Variants in HSBP1L1 observed in about 807,000 individuals in gnomAD.
HSBP1L1 encodes the protein heat shock factor binding protein 1 like 1.
Under a neutral mutation model 9.7 loss-of-function variants are expected in HSBP1L1, and 8 were observed. The ratio of observed to expected loss-of-function variants is 0.82; its 90% CI spans 0.48 to 1.48. The LOEUF (loss-of-function observed/expected upper bound fraction) is 1.48. HSBP1L1 is among the 40% of genes most tolerant of loss of function. The probability of loss-of-function intolerance (pLI) is 0.00; values close to 1 mark genes in which losing one functional copy is unlikely to be tolerated. For synonymous variants in HSBP1L1, 39 were observed against 34.4 expected (o/e 1.13, Z -0.46); for missense variants, 106 against 95.8 (o/e 1.11, Z -0.44).
At position 79,970,807 on chromosome 18, in the gene HSBP1L1, C is replaced by A. The variant is rs1134231; in HGVS notation, c.*356C>A. On this transcript the variant is annotated 3_prime_UTR_variant, in exon 4 of 4. Transcript: ENST00000451882. ...TTACAATAAATATACAATAAACTTA[C>A]AAATGTGGAATGTAATTATTTTATC... The A allele has an allele frequency of 0.35, 76,668 of 217,034 alleles. 14,394 individuals carry two copies. Among genetic ancestry groups the A allele is most frequent in the South Asian group, 0.5 (3,837 of 7,636 alleles). The allele number at this position is 217,034 out of a possible 1,614,324, so 13.4% of individuals were successfully genotyped here.
At chr18:79,967,838 C>G (rs550716510) in intron 2 of HSBP1L1, 5 of 399,718 alleles carry the variant, frequency 1.3e-5, no homozygotes, top group Non-Finnish European at 2.2e-5. Flanking sequence ...ATATACCAGA[C>G]AATCTCCTGT....
rs575228929 is a variant in HSBP1L1 at position 79,966,547 on chromosome 18, A to G, written c.52-65A>G. The G allele has an allele frequency of 2.0e-4, 260 of 1,285,282 alleles. 2 individuals are homozygous for G. In the East Asian group the frequency reaches 5.8e-3, roughly 29 times the overall value. 79.6% of individuals were successfully genotyped at this position (1,285,282 alleles called of 1,614,324 possible). A position where few individuals can be genotyped will look rare whatever the true frequency, so the allele number is the denominator to read the frequency against. ...AACAAAACAAGACTTCATCTCAGAA[A>G]AAAAAAAAAACTCATATGCCAACAG... On this transcript the variant is annotated intron_variant, in intron 1 of 3. Coordinates refer to ENST00000451882, the MANE Select transcript of HSBP1L1 (RefSeq NM_001136180.2).
chr18:79,966,559 T>C, intron 1 of HSBP1L1, 53 bp from the exon 2 acceptor site: 1 of 1,271,938 alleles, frequency 7.9e-7, no homozygotes, highest in East Asian at 2.6e-5. Context: ...AAAAAAAAAC[T>C]CATATGCCAA....
chr18:79,969,325 GAAAGAA>G lies in HSBP1L1; in HGVS notation c.214-1107_214-1102del, dbSNP rs1254642043. ...GAGAGAGAGAAAGGAAAGAAAGAAA[GAAAGAA>G]AAAGAAAGAAAGAAAGAAAGAAAGA... On this transcript the variant is annotated intron_variant, in intron 3 of 3. Transcript: ENST00000451882. Among the ~76,000 whole-genome samples the G allele has an allele frequency of 8.4e-4, 85 of 101,722 alleles. 4 individuals carry two copies. Among genetic ancestry groups the G allele is most frequent in the Middle Eastern group, 5.0e-3 (1 of 200 alleles). The allele number at this position is 101,722 out of a possible 152,430, so 66.7% of individuals were successfully genotyped here. A position where few individuals can be genotyped will look rare whatever the true frequency, so the allele number is the denominator to read the frequency against.
intron 1 of HSBP1L1, 96 bp from the exon 2 acceptor site, chr18:79,966,516 C>T: frequency 1.2e-6 from 1 of 860,966 alleles, no homozygotes; most frequent in Non-Finnish European, 1.8e-6. Flanking sequence ...GCACTCCAGC[C>T]TGGGCAACAA....
chr18:79,970,581 TC>T lies in HSBP1L1; in HGVS notation c.*134del, dbSNP rs200985292. ...AGAGACGCAAGGGGCTCGCCTGCTC[TC>T]CCCTCCGTGCCTGCACCAGAGAAGG... On this transcript the variant is annotated 3_prime_UTR_variant, in exon 4 of 4. Transcript: ENST00000451882. 0.014 allele frequency: 8,088 copies of T among 578,060 alleles called. 83 individuals are homozygous for T. The highest frequency in any genetic ancestry group is 0.021 in the Non-Finnish European group (6,673 of 311,528). 35.8% of individuals were successfully genotyped at this position (578,060 alleles called of 1,614,324 possible). A position where few individuals can be genotyped will look rare whatever the true frequency, so the allele number is the denominator to read the frequency against.
intron 3 of HSBP1L1, among the ~76,000 whole-genome samples, chr18:79,969,450 G>A (rs1302097055): frequency 2.0e-5 from 3 of 152,126 alleles, no homozygotes; most frequent in African/African-American, 2.4e-5. Context: ...CTGTGCCCAC[G>A]CGGATGCTTC....
chr18:79,969,368 AAAG>A (rs2051280944), intron 3 of HSBP1L1, among the ~76,000 whole-genome samples: 6 of 50,048 alleles, frequency 1.2e-4, no homozygotes, highest in Non-Finnish European at 3.0e-4. Context: ...AGAAAGAAAG[AAAG>A]AAAGAAAGAA....
chr18:79,964,712 T>C lies in HSBP1L1; in HGVS notation c.-24T>C. ...CCGCGCGGCCCACGGGACCCCCCAC[T>C]GACGCCCCCGGCCAGCGGTCCACAT... On this transcript the variant is annotated 5_prime_UTR_variant, in exon 1 of 4. Transcript: ENST00000451882. 3 of 1,384,870 alleles carry C rather than the reference T, an allele frequency of 2.2e-6. No homozygotes were observed. Among genetic ancestry groups the C allele is most frequent in the Non-Finnish European group, 2.8e-6 (3 of 1,060,974 alleles). The allele number at this position is 1,384,870 out of a possible 1,614,324, so 85.8% of individuals were successfully genotyped here.
At chr18:79,965,209 T>C (rs1032862416) in intron 1 of HSBP1L1, among the ~76,000 whole-genome samples, 23 of 152,144 alleles carry the variant, frequency 1.5e-4, no homozygotes, top group African/African-American at 5.3e-4. Flanking sequence ...CGCCCAGGGC[T>C]CCGGCCTCTT....
chr18:79,968,603 C>G (rs978709042), intron 3 of HSBP1L1, among the ~76,000 whole-genome samples: 1 of 151,736 alleles, frequency 6.6e-6, no homozygotes, highest in African/African-American at 2.4e-5. Context: ...CAATTACAGG[C>G]GTGAGCCACC....
Position 79,970,729 on chromosome 18 carries a change from T to C in HSBP1L1, c.*278T>C. 1 of 438,408 alleles carries C rather than the reference T, an allele frequency of 2.3e-6. No individual in the cohort carries two copies. The highest frequency in any genetic ancestry group is 3.8e-5 in the South Asian group (1 of 26,100). 27.2% of individuals were successfully genotyped at this position (438,408 alleles called of 1,614,324 possible). ...TTTCTGTTGTTTAAACCACCCAATCTGAAGTATTTTGTTATGGCAGTCCTG... is the reference window on the plus strand; with the variant it reads ...TTTCTGTTGTTTAAACCACCCAATCCGAAGTATTTTGTTATGGCAGTCCTG... On this transcript the variant is annotated 3_prime_UTR_variant, in exon 4 of 4. Transcript: ENST00000451882.
intron 2 of HSBP1L1, chr18:79,966,972 C>T (rs2051260610): frequency 8.8e-6 from 2 of 227,484 alleles, no homozygotes; most frequent in South Asian, 6.2e-5. Flanking sequence ...CACAGTGAAA[C>T]CCCGTCTCTA....
intron 3 of HSBP1L1, among the ~76,000 whole-genome samples, chr18:79,968,499 G>C (rs527708695): frequency 1.1e-4 from 16 of 152,146 alleles, no homozygotes; most frequent in African/African-American, 3.9e-4. Context: ...GCTAATTTTT[G>C]TATTTTAGTA....
At chr18:79,969,376 A>AAAGT (rs1568356662) in intron 3 of HSBP1L1, among the ~76,000 whole-genome samples, 2 of 52,386 alleles carry the variant, frequency 3.8e-5, no homozygotes, top group East Asian at 2.5e-3. Context: ...AGAAAGAAAG[A>AAAGT]AAGAAAGAAA....
At chr18:79,966,227 G>T (rs895209892) in intron 1 of HSBP1L1, among the ~76,000 whole-genome samples, 1 of 150,944 alleles carries the variant, frequency 6.6e-6, no homozygotes, top group Non-Finnish European at 1.5e-5. Flanking sequence ...CACCGCGCCC[G>T]GCCTTATCCC....
intron 2 of HSBP1L1, chr18:79,967,868 C>T: frequency 2.3e-6 from 1 of 439,152 alleles, no homozygotes; most frequent in Admixed American, 4.0e-5. Context: ...CATGTCCAAG[C>T]AAGGGGAGCC....
chr18:79,965,260 A>G (rs1439798572), intron 1 of HSBP1L1, among the ~76,000 whole-genome samples: 2 of 152,174 alleles, frequency 1.3e-5, no homozygotes, highest in Admixed American at 1.3e-4. Context: ...CTACTTGCCA[A>G]AGAGTTCCAG....
chr18:79,968,131 T>C lies in HSBP1L1; in HGVS notation c.161T>C (p.Val54Ala). ...CGCATTGAGGACTTACAGAAGAATG[T>C]CAAGGACTTAATGGTGCAAGCTGGC... ...GNRIEDLQKN[V>A]KDLMVQAGIE... Residue 54 changes from valine to alanine, a missense_variant, in exon 3 of 4, where the codon GTC (valine) becomes GCC (alanine). Physicochemically the swap from Val to Ala is moderately conservative, Grantham distance 64 (BLOSUM62 0). Transcript: ENST00000451882. 1.3e-6 allele frequency: 2 copies of C among 1,550,322 alleles called. No homozygotes were observed. The highest frequency in any genetic ancestry group is 1.7e-6 in the Non-Finnish European group (2 of 1,145,830).
Sources: gnomAD v4.1 joint callset for allele counts (sites outside exome capture counted in the v4.1 genomes callset) on GRCh38, gnomAD v4.1.1 for gene constraint, MANE v1.5 for transcripts, NCBI Gene and HGNC (gene_info 2026-07-23, HGNC 2026-07-21) for gene names.